Variants in ARHGAP15 observed in about 807,000 individuals in gnomAD.
The protein encoded by ARHGAP15 is rho GTPase-activating protein 15.
Under a neutral mutation model 63.7 loss-of-function variants are expected in ARHGAP15, and 51 were observed. The ratio of observed to expected loss-of-function variants is 0.80; its 90% CI spans 0.64 to 1.01. The LOEUF (loss-of-function observed/expected upper bound fraction) is 1.01, where lower values mean the gene tolerates loss of function less well. Ranked by LOEUF, ARHGAP15 falls within the 50% of genes least tolerant of loss-of-function variation. The pLI, the probability that ARHGAP15 is intolerant of heterozygous loss-of-function variation, is 0.00. For missense variants in ARHGAP15, 560 were observed against 564.6 expected (o/e 0.99, Z 0.08); for synonymous variants, 191 against 193.8 (o/e 0.99, Z 0.12).
At chr2:143,251,882 C>A (rs1574154904) in intron 6 of ARHGAP15, among the ~76,000 whole-genome samples, 1 of 152,062 alleles carries the variant, frequency 6.6e-6, no homozygotes, top group African/African-American at 2.4e-5. Context: ...AACTATAGAT[C>A]AGTGACTTCC....
intron 5 of ARHGAP15, among the ~76,000 whole-genome samples, chr2:143,244,475 G>T (rs1693972390): frequency 6.6e-6 from 1 of 152,206 alleles, no homozygotes; most frequent in Non-Finnish European, 1.5e-5. Context: ...AAGCAGGGTA[G>T]ATTGAAGAGA....
chr2:143,365,843 A>C (rs2105346189), intron 6 of ARHGAP15, among the ~76,000 whole-genome samples: 1 of 152,354 alleles, frequency 6.6e-6, no homozygotes, highest in East Asian at 1.9e-4. Flanking sequence ...TCCGAAGATC[A>C]ATGACAGAAG....
Position 143,452,452 on chromosome 2 carries a change from G to A in ARHGAP15, c.703+15410G>A, listed in dbSNP as rs141140805. 1.1e-4 allele frequency among the ~76,000 whole-genome samples: 16 copies of A among 151,990 alleles called. 1 individual carries two copies. The East Asian group carries it at 3.1e-3, about 29-fold the overall frequency. ...AACATTAAAGGGGATCTTAACGGATGGAAGCACATTACTGTCTCTTGGATT... is the reference window on the plus strand; with the variant it reads ...AACATTAAAGGGGATCTTAACGGATAGAAGCACATTACTGTCTCTTGGATT... On this transcript the variant is annotated intron_variant, in intron 8 of 13. Coordinates refer to ENST00000295095, the MANE Select transcript of ARHGAP15 (RefSeq NM_018460.4).
At chr2:143,409,531 A>C (rs1688356397) in intron 6 of ARHGAP15, among the ~76,000 whole-genome samples, 1 of 152,042 alleles carries the variant, frequency 6.6e-6, no homozygotes, top group African/African-American at 2.4e-5. Flanking sequence ...TCATAGTATA[A>C]GCTCTCTGAA....
intron 2 of ARHGAP15, among the ~76,000 whole-genome samples, chr2:143,187,767 A>G (rs184542448): frequency 6.6e-6 from 1 of 152,292 alleles, no homozygotes; most frequent in Admixed American, 6.5e-5. Context: ...AGGAAGTGGG[A>G]CTTTTCATGA....
chr2:143,343,227 T>G (rs554551786), intron 6 of ARHGAP15, among the ~76,000 whole-genome samples: 1 of 152,066 alleles, frequency 6.6e-6, no homozygotes, highest in African/African-American at 2.4e-5. Context: ...AAGTAGGAGC[T>G]CACCATGTGG....
intron 6 of ARHGAP15, among the ~76,000 whole-genome samples, chr2:143,382,943 T>TG (rs1687123086): frequency 6.6e-6 from 1 of 152,216 alleles, no homozygotes; most frequent in African/African-American, 2.4e-5. Flanking sequence ...AAAATTTGCT[T>TG]GGTAAACATC....
intron 8 of ARHGAP15, among the ~76,000 whole-genome samples, chr2:143,438,253 A>T (rs1325332340): frequency 6.7e-6 from 1 of 150,250 alleles, no homozygotes; most frequent in African/African-American, 2.4e-5. Flanking sequence ...ATATGTGTAC[A>T]TATATACATA....
chr2:143,528,086 T>C (rs182366747), intron 10 of ARHGAP15, among the ~76,000 whole-genome samples: 93 of 152,252 alleles, frequency 6.1e-4, no homozygotes, highest in Middle Eastern at 3.4e-3. Context: ...ATACTCCATT[T>C]AAGTTAACCA....
At chr2:143,135,933 T>C (rs962520804) in intron 1 of ARHGAP15, among the ~76,000 whole-genome samples, 1 of 152,190 alleles carries the variant, frequency 6.6e-6, no homozygotes, top group Non-Finnish European at 1.5e-5. Flanking sequence ...CCAAATCTTT[T>C]CTCTTAGCAG....
intron 6 of ARHGAP15, among the ~76,000 whole-genome samples, chr2:143,296,267 T>A (rs891674122): frequency 1.3e-5 from 2 of 152,024 alleles, no homozygotes; most frequent in Non-Finnish European, 2.9e-5. Context: ...TTTGCAGTAT[T>A]ATGCTGTTGC....
At chr2:143,143,596 T>G (rs1394523911) in intron 1 of ARHGAP15, among the ~76,000 whole-genome samples, 1 of 149,652 alleles carries the variant, frequency 6.7e-6, no homozygotes, top group African/African-American at 2.5e-5. Context: ...CTCAGACAAT[T>G]ACTTGAACCA....
At chr2:143,342,003 A>G (rs1399986707) in intron 6 of ARHGAP15, among the ~76,000 whole-genome samples, 1 of 152,170 alleles carries the variant, frequency 6.6e-6, no homozygotes, top group African/African-American at 2.4e-5. Flanking sequence ...CCTATTTTGT[A>G]TTTAGCTTAT....
intron 13 of ARHGAP15, among the ~76,000 whole-genome samples, chr2:143,751,906 T>C (rs1204873040): frequency 6.6e-6 from 1 of 152,166 alleles, no homozygotes; most frequent in Non-Finnish European, 1.5e-5. Flanking sequence ...ACTCTTTGCC[T>C]TGACTGCTGG....
chr2:143,434,904 G>A (rs1689542115), intron 6 of ARHGAP15, among the ~76,000 whole-genome samples: 1 of 152,122 alleles, frequency 6.6e-6, no homozygotes, highest in African/African-American at 2.4e-5. Context: ...AAAATGGACA[G>A]TTACACGCTA....
rs185185266 is a variant in ARHGAP15 at position 143,257,043 on chromosome 2, T to A, written c.474+6443T>A. 4.9e-3 allele frequency among the ~76,000 whole-genome samples: 746 copies of A among 152,240 alleles called. 6 individuals carry two copies. Among genetic ancestry groups the A allele is most frequent in the African/African-American group, 0.016 (672 of 41,560 alleles). On this transcript the variant is annotated intron_variant, in intron 6 of 13. Transcript: ENST00000295095. Reference sequence around the variant, plus strand: ...TTTCTAAGAAATAATAAAACTTTTTTAAAAAATATATTCTAGACATCTAGA... The same window carrying A: ...TTTCTAAGAAATAATAAAACTTTTTAAAAAAATATATTCTAGACATCTAGA...
chr2:143,160,913 A>G (rs1690267970), intron 2 of ARHGAP15, among the ~76,000 whole-genome samples: 1 of 151,994 alleles, frequency 6.6e-6, no homozygotes, highest in African/African-American at 2.4e-5. Flanking sequence ...TCACAACCAC[A>G]TATGTGGCTG....
At chr2:143,139,990 C>T (rs897163082) in intron 1 of ARHGAP15, among the ~76,000 whole-genome samples, 1 of 152,128 alleles carries the variant, frequency 6.6e-6, no homozygotes, top group African/African-American at 2.4e-5. Context: ...GATGTTTACC[C>T]TGCATGAGGC....
intron 12 of ARHGAP15, among the ~76,000 whole-genome samples, chr2:143,672,888 A>C (rs1162187631): frequency 6.6e-6 from 1 of 152,212 alleles, no homozygotes; most frequent in Non-Finnish European, 1.5e-5. Flanking sequence ...GAATTACTGA[A>C]AAGTTGAGTT....
Sources: allele counts gnomAD v4.1 joint callset (sites outside exome capture counted in the v4.1 genomes callset), GRCh38; gene constraint gnomAD v4.1.1; transcripts MANE v1.5; gene names NCBI Gene and HGNC (gene_info 2026-07-23, HGNC 2026-07-21).